SUGCT: variants seen among roughly 807,000 people sequenced by gnomAD.
The protein encoded by SUGCT is succinyl-CoA:glutarate-CoA transferase, also known as succinyl-CoA:glutarate CoA-transferase.
Under a neutral mutation model 55.0 loss-of-function variants are expected in SUGCT, and 41 were observed. That is an observed-to-expected ratio of 0.74 (90% confidence interval 0.58 to 0.97). The LOEUF is 0.97. Among genes scored for constraint, SUGCT ranks in the 50% least tolerant of loss-of-function variants. SUGCT has a pLI of 0.00. For synonymous variants in SUGCT, 187 were observed against 200.4 expected (o/e 0.93, Z 0.56); for missense variants, 568 against 547.8 (o/e 1.04, Z -0.37).
rs1260197788 is a variant in SUGCT at position 40,188,506 on chromosome 7, G to T, written c.238G>T (p.Asp80Tyr). The change falls in exon 4 of 14, where the codon GAT becomes TAT. Residue 80 changes from aspartate (D) to tyrosine (Y), a missense_variant. Transcript: ENST00000335693. ...GTTATTATTTTCAGGAGCTGGTGAT[G>T]ATACACGAACTTGGGGGCCACCTTT... ...IKVERPGAGDDTRTWGPPFVG... is the reference protein window; with the variant it reads ...IKVERPGAGDYTRTWGPPFVG... 3 of 1,585,824 alleles carry T rather than the reference G, an allele frequency of 1.9e-6. No individual in the cohort carries two copies. The African/African-American group carries it at 4.1e-5, about 22-fold the overall frequency.
intron 12 of SUGCT, among the ~76,000 whole-genome samples, chr7:40,699,966 T>C (rs770774110): frequency 6.6e-6 from 1 of 152,026 alleles, no homozygotes; most frequent in Non-Finnish European, 1.5e-5. Context: ...GTTTAACCCT[T>C]AATCTCTGTG....
chr7:40,617,369 T>A (rs568947814), intron 12 of SUGCT, among the ~76,000 whole-genome samples: 1 of 152,296 alleles, frequency 6.6e-6, no homozygotes, highest in African/African-American at 2.4e-5. Context: ...ATCTGAAGTG[T>A]ACCGATGAAA....
intron 13 of SUGCT, among the ~76,000 whole-genome samples, chr7:40,769,297 C>T (rs187181116): frequency 2.1e-4 from 32 of 152,214 alleles, no homozygotes; most frequent in East Asian, 7.7e-4. Flanking sequence ...TTTCCTAATC[C>T]GGGATTTTTA....
chr7:40,880,665 A>G, the SUGCT span, among the ~76,000 whole-genome samples: 1 of 152,210 alleles, frequency 6.6e-6, no homozygotes, highest in East Asian at 1.9e-4. Flanking sequence ...TGGAAAAAAG[A>G]CTTTTTATTT....
intron 1 of SUGCT, 113 bp downstream of exon 1, chr7:40,135,233 G>A (rs1787615170): frequency 2.2e-5 from 28 of 1,298,488 alleles, no homozygotes; most frequent in Non-Finnish European, 2.7e-5. Context: ...CCCCTTAGCG[G>A]TGGCTTTGCT....
At chr7:40,764,666 C>A (rs1350476727) in intron 13 of SUGCT, among the ~76,000 whole-genome samples, 1 of 152,102 alleles carries the variant, frequency 6.6e-6, no homozygotes, top group Non-Finnish European at 1.5e-5. Context: ...ACAATATAAT[C>A]CCAAAGATTA....
At chr7:40,907,315 C>T in the SUGCT span, among the ~76,000 whole-genome samples, 1 of 152,204 alleles carries the variant, frequency 6.6e-6, no homozygotes, top group Middle Eastern at 3.4e-3. Flanking sequence ...AAATCAACAT[C>T]CCTGAAACAT....
chr7:40,513,177 T>C (rs1184717259), intron 12 of SUGCT, among the ~76,000 whole-genome samples: 3 of 152,148 alleles, frequency 2.0e-5, no homozygotes, highest in Non-Finnish European at 4.4e-5. Flanking sequence ...CATCGTGTGA[T>C]TTTTTGGGAT....
chr7:40,430,332 A>T (rs1787827868), intron 9 of SUGCT, among the ~76,000 whole-genome samples: 1 of 152,190 alleles, frequency 6.6e-6, no homozygotes, highest in Admixed American at 6.6e-5. Context: ...AACATTTGTT[A>T]TCTTTTGACA....
At chr7:40,427,040 C>A (rs1787623926) in intron 9 of SUGCT, among the ~76,000 whole-genome samples, 1 of 151,958 alleles carries the variant, frequency 6.6e-6, no homozygotes, top group Non-Finnish European at 1.5e-5. Context: ...GAATTACTGG[C>A]CTCAAGTGAT....
chr7:40,712,991 T>G (rs564103397), intron 12 of SUGCT, among the ~76,000 whole-genome samples: 1 of 152,368 alleles, frequency 6.6e-6, no homozygotes, highest in South Asian at 2.1e-4. Flanking sequence ...GCAAAATCTC[T>G]GAACTACTTT....
chr7:40,271,354 C>G (rs1792000930), intron 7 of SUGCT, among the ~76,000 whole-genome samples: 1 of 152,050 alleles, frequency 6.6e-6, no homozygotes, highest in African/African-American at 2.4e-5. Flanking sequence ...TGGGCTCCAA[C>G]TCCTGAGCTT....
rs187896985 is a variant in SUGCT, at chr7:40,155,524, A to G, written c.100+20404A>G. On this transcript the variant is annotated intron_variant, in intron 1 of 13. Transcript: ENST00000335693. ...CTTGTAGCACTGTTGAAGGAGGCCC[A>G]ACATTAGAAGACAAGATCCTGGATA... 4.5e-3 allele frequency among the ~76,000 whole-genome samples: 681 copies of G among 152,304 alleles called. 7 individuals are homozygous for G. Among genetic ancestry groups the G allele is most frequent in the African/African-American group, 0.016 (657 of 41,554 alleles).
intron 12 of SUGCT, among the ~76,000 whole-genome samples, chr7:40,741,375 A>G (rs914564875): frequency 2.0e-5 from 3 of 152,226 alleles, no homozygotes; most frequent in Non-Finnish European, 1.5e-5. Context: ...TTAAGCAGGG[A>G]AAATATACTC....
chr7:40,337,230 T>A (rs1341628645), intron 9 of SUGCT, among the ~76,000 whole-genome samples: 1 of 152,194 alleles, frequency 6.6e-6, no homozygotes, highest in East Asian at 1.9e-4. Context: ...TTCTGCTGAT[T>A]TGGGATGGAG....
chr7:40,606,110 A>G (rs560774837), intron 12 of SUGCT, among the ~76,000 whole-genome samples: 7 of 152,198 alleles, frequency 4.6e-5, no homozygotes, highest in South Asian at 2.1e-4. Context: ...GGGTAGAGGA[A>G]TGTCAAAAAT....
chr7:40,448,904 A>ATG (rs34734227), intron 9 of SUGCT, among the ~76,000 whole-genome samples: 18,202 of 144,586 alleles, frequency 0.13, 2,488 homozygotes, highest in African/African-American at 0.36. Flanking sequence ...ATAGACACAT[A>ATG]TGTGTGTGTG....
chr7:40,947,956 C>T, the SUGCT span, among the ~76,000 whole-genome samples: 8,585 of 152,248 alleles, frequency 0.056, 255 homozygotes, highest in Middle Eastern at 0.078. Flanking sequence ...TGACTTTTAT[C>T]TTATCCAGCA....
intron 12 of SUGCT, among the ~76,000 whole-genome samples, chr7:40,676,894 C>CGTGTGTGTGTGT (rs3221667): frequency 2.2e-4 from 31 of 144,054 alleles, no homozygotes; most frequent in East Asian, 6.3e-4. Flanking sequence ...TTCAGAATGA[C>CGTGTGTGTGTGT]GTGTGTGTGT....
Sources: gnomAD v4.1 joint callset for allele counts (sites outside exome capture counted in the v4.1 genomes callset) on GRCh38, gnomAD v4.1.1 for gene constraint, MANE v1.5 for transcripts, NCBI Gene and HGNC (gene_info 2026-07-23, HGNC 2026-07-21) for gene names.